Variants in CNTN1 observed in about 807,000 individuals in gnomAD.
CNTN1 encodes contactin-1.
CNTN1 carries 38 observed loss-of-function variants against 126.4 expected under a neutral mutation model. That is an observed-to-expected ratio of 0.30 (90% confidence interval 0.23 to 0.39). The LOEUF (loss-of-function observed/expected upper bound fraction) is 0.39. CNTN1 is among the 10% of genes least tolerant of loss of function. The probability of loss-of-function intolerance (pLI) is 1.00; values close to 1 mark genes in which losing one functional copy is unlikely to be tolerated. For synonymous variants in CNTN1, 413 were observed against 422.6 expected (o/e 0.98, Z 0.28); for missense variants, 1,009 against 1,248.4 (o/e 0.81, Z 2.89).
At chr12:41,038,233 CA>C (rs1206344562) in intron 23 of CNTN1, among the ~76,000 whole-genome samples, 2 of 151,948 alleles carry the variant, frequency 1.3e-5, no homozygotes, top group African/African-American at 4.8e-5. Flanking sequence ...TGGCAAAAGT[CA>C]AAAGAAGGTT....
intron 14 of CNTN1, among the ~76,000 whole-genome samples, chr12:40,945,768 G>A (rs1272258679): frequency 6.6e-6 from 1 of 150,806 alleles, no homozygotes; most frequent in Non-Finnish European, 1.5e-5. Flanking sequence ...ATACTAATTA[G>A]GAAACAAATA....
At chr12:40,979,069 A>T (rs1029508370) in intron 15 of CNTN1, 5 of 152,182 alleles carry the variant, frequency 3.3e-5, no homozygotes, top group African/African-American at 1.2e-4. Flanking sequence ...GTTTTCTTAC[A>T]TATGAAAAAT....
intron 1 of CNTN1, among the ~76,000 whole-genome samples, chr12:40,783,355 T>C (rs1939881293): frequency 6.6e-6 from 1 of 152,060 alleles, no homozygotes; most frequent in Non-Finnish European, 1.5e-5. Context: ...TGTGAGAAGA[T>C]GCAAGCTGAA....
At chr12:40,927,435 G>T (rs1945734320) in intron 6 of CNTN1, among the ~76,000 whole-genome samples, 2 of 152,004 alleles carry the variant, frequency 1.3e-5, no homozygotes. Flanking sequence ...AGCTTATTTT[G>T]GTGATGGTGG....
rs141977738 is a variant in CNTN1 at position 40,772,737 on chromosome 12, T to C, written c.-77+80145T>C. Among the ~76,000 whole-genome samples, 295 of 152,052 alleles carry C rather than the reference T, an allele frequency of 1.9e-3. 1 individual carries two copies. Among genetic ancestry groups the C allele is most frequent in the African/African-American group, 6.7e-3 (277 of 41,534 alleles). ...ATTATGGCTGTGACATAAGAATGTT[T>C]CTCTGGAATCAATGCGCCAGATAAA... is the stretch of plus-strand genomic sequence containing the variant. On this transcript the variant is annotated intron_variant, in intron 1 of 23. Coordinates refer to ENST00000551295, the MANE Select transcript of CNTN1 (RefSeq NM_001843.4).
At chr12:40,800,063 C>G (rs542392753) in intron 1 of CNTN1, among the ~76,000 whole-genome samples, 1 of 152,130 alleles carries the variant, frequency 6.6e-6, no homozygotes, top group South Asian at 2.1e-4. Flanking sequence ...TGTGTCCCTA[C>G]CTAAATCTCA....
intron 5 of CNTN1, among the ~76,000 whole-genome samples, chr12:40,923,150 A>G (rs1945512796): frequency 6.6e-6 from 1 of 151,996 alleles, no homozygotes; most frequent in Admixed American, 6.6e-5. Flanking sequence ...ATTCCCTAAT[A>G]TTTAACTTCT....
intron 17 of CNTN1, among the ~76,000 whole-genome samples, chr12:40,997,321 A>T (rs115183993): frequency 0.01 from 1,582 of 152,360 alleles, 31 homozygotes; most frequent in African/African-American, 0.036. Context: ...TATTAGCCAG[A>T]TCAAGCCAGT....
intron 1 of CNTN1, among the ~76,000 whole-genome samples, chr12:40,756,451 G>C (rs1416824866): frequency 6.6e-6 from 1 of 152,094 alleles, no homozygotes; most frequent in Non-Finnish European, 1.5e-5. Context: ...TGTTTCAGAG[G>C]AGCCATGTGT....
At chr12:40,725,172 C>G (rs746329361) in intron 1 of CNTN1, among the ~76,000 whole-genome samples, 5 of 152,024 alleles carry the variant, frequency 3.3e-5, no homozygotes, top group Non-Finnish European at 4.4e-5. Context: ...GAGGCCAAGG[C>G]CGGTGGATCA....
At chr12:40,917,341 A>G (rs1168355547) in intron 3 of CNTN1, among the ~76,000 whole-genome samples, 1 of 152,128 alleles carries the variant, frequency 6.6e-6, no homozygotes, top group Admixed American at 6.6e-5. Flanking sequence ...ATCTTTCATG[A>G]ATTGTCTCAA....
At chr12:40,866,257 A>G (rs1943294224) in intron 1 of CNTN1, among the ~76,000 whole-genome samples, 1 of 152,100 alleles carries the variant, frequency 6.6e-6, no homozygotes, top group African/African-American at 2.4e-5. Flanking sequence ...TCATCTGCCA[A>G]TAAAAATAGT....
intron 17 of CNTN1, among the ~76,000 whole-genome samples, chr12:41,013,008 C>G (rs77738013): frequency 0.023 from 3,437 of 152,148 alleles, 130 homozygotes; most frequent in African/African-American, 0.075. Flanking sequence ...AGAGAAACAG[C>G]TCTCTTTCTG....
intron 16 of CNTN1, among the ~76,000 whole-genome samples, chr12:40,983,471 G>A (rs1220763677): frequency 8.7e-6 from 1 of 114,746 alleles, no homozygotes; most frequent in Non-Finnish European, 2.0e-5. Context: ...TATTCACCGT[G>A]TGTGTGTGTG....
At chr12:40,821,306 C>T (rs1041456098) in intron 1 of CNTN1, among the ~76,000 whole-genome samples, 1 of 152,138 alleles carries the variant, frequency 6.6e-6, no homozygotes. Context: ...TGGGGCAGAA[C>T]TTGTTGCTGA....
intron 20 of CNTN1, 111 bp from the exon 21 acceptor site, chr12:41,025,039 A>G: frequency 1.9e-6 from 2 of 1,052,050 alleles, no homozygotes; most frequent in South Asian, 2.5e-5. Flanking sequence ...GAAACATTTG[A>G]AAATATGATG....
At chr12:40,909,115 A>G (rs770217991) in intron 2 of CNTN1, among the ~76,000 whole-genome samples, 1 of 152,100 alleles carries the variant, frequency 6.6e-6, no homozygotes, top group Non-Finnish European at 1.5e-5. Context: ...TCTTTTGCCA[A>G]TTTGATCAAT....
At chr12:40,874,091 G>T (rs1205784632) in intron 1 of CNTN1, among the ~76,000 whole-genome samples, 2 of 151,968 alleles carry the variant, frequency 1.3e-5, no homozygotes, top group Non-Finnish European at 2.9e-5. Flanking sequence ...CAGGAGTTTG[G>T]GTTCAAATCC....
chr12:41,006,124 G>T lies in CNTN1; in HGVS notation c.2114-8104G>T, dbSNP rs187149892. ...TTTATCCTATTTGATGACCTTGAGG[G>T]TTTGATTGTGGTATAAGGTAGATTC... On this transcript the variant is annotated intron_variant, in intron 17 of 23. Transcript: ENST00000551295. Among the ~76,000 whole-genome samples the T allele has an allele frequency of 1.6e-4, 24 of 152,210 alleles. No individual in the cohort carries two copies. In the East Asian group the frequency reaches 3.5e-3, roughly 22 times the overall value.
Sources: gnomAD v4.1 joint callset for allele counts (sites outside exome capture counted in the v4.1 genomes callset) on GRCh38, gnomAD v4.1.1 for gene constraint, MANE v1.5 for transcripts, NCBI Gene and HGNC (gene_info 2026-07-23, HGNC 2026-07-21) for gene names.